ARHGAP24: variants seen among roughly 807,000 people sequenced by gnomAD.
The protein encoded by ARHGAP24 is Rho GTPase activating protein 24.
ARHGAP24 carries 50 observed loss-of-function variants against 76.4 expected under a neutral mutation model. The observed-to-expected ratio is 0.65, with a 90% CI of 0.52 to 0.83. The LOEUF is 0.83. Ranked by LOEUF, ARHGAP24 falls within the 40% of genes least tolerant of loss-of-function variation. The pLI, the probability that ARHGAP24 is intolerant of heterozygous loss-of-function variation, is 0.00. For synonymous variants in ARHGAP24, 345 were observed against 323.3 expected (o/e 1.07, Z -0.72); for missense variants, 930 against 914.2 (o/e 1.02, Z -0.22).
intron 1 of ARHGAP24, among the ~76,000 whole-genome samples, chr4:85,511,294 G>A (rs1414615306): frequency 6.6e-6 from 1 of 152,026 alleles, no homozygotes; most frequent in Non-Finnish European, 1.5e-5. Flanking sequence ...GTAATTAAAT[G>A]TTTCTTTAAC....
At chr4:85,710,017 T>C (rs1043070453) in intron 2 of ARHGAP24, among the ~76,000 whole-genome samples, 7 of 152,078 alleles carry the variant, frequency 4.6e-5, no homozygotes, top group African/African-American at 1.4e-4. Context: ...AAAAAACTAT[T>C]TAAAAATTTA....
chr4:85,889,381 A>G (rs893509213), intron 3 of ARHGAP24, among the ~76,000 whole-genome samples: 4 of 152,222 alleles, frequency 2.6e-5, no homozygotes, highest in African/African-American at 9.6e-5. Context: ...AACTATCCTA[A>G]TAAGTGAAAT....
chr4:85,786,499 A>G (rs1727851677), intron 3 of ARHGAP24, among the ~76,000 whole-genome samples: 3 of 152,208 alleles, frequency 2.0e-5, no homozygotes, highest in Non-Finnish European at 4.4e-5. Flanking sequence ...AAATAATAAA[A>G]TATTTATGAA....
rs79959741 is a variant in ARHGAP24, at chr4:85,857,041, G to A, written c.269-66607G>A. ...TACATAGATTGTTTCCATTTTTGTT[G>A]TTGCTGCCATCATAAGCAATTACTC... On this transcript the variant is annotated intron_variant, in intron 3 of 9. Coordinates refer to ENST00000395184, the MANE Select transcript of ARHGAP24 (RefSeq NM_001025616.3). Among the ~76,000 whole-genome samples, 679 of 151,906 alleles carry A rather than the reference G, an allele frequency of 4.5e-3. 3 individuals carry two copies. The highest frequency in any genetic ancestry group is 8.1e-3 in the Non-Finnish European group (550 of 67,948).
intron 3 of ARHGAP24, among the ~76,000 whole-genome samples, chr4:85,853,965 A>G (rs1178914106): frequency 7.9e-6 from 1 of 127,224 alleles, no homozygotes; most frequent in Admixed American, 7.5e-5. Context: ...CAAAAAACAA[A>G]AAGACAAAAA....
At chr4:85,802,728 T>C (rs192323356) in intron 3 of ARHGAP24, among the ~76,000 whole-genome samples, 3 of 151,960 alleles carry the variant, frequency 2.0e-5, no homozygotes, top group South Asian at 2.1e-4. Flanking sequence ...GAGGCGGAGG[T>C]TGTGGTGAGC....
intron 2 of ARHGAP24, among the ~76,000 whole-genome samples, chr4:85,641,655 A>G (rs1218377791): frequency 6.6e-6 from 1 of 152,250 alleles, no homozygotes; most frequent in Non-Finnish European, 1.5e-5. Flanking sequence ...GGGTTCCCCC[A>G]AATCTCTCTT....
intron 2 of ARHGAP24, among the ~76,000 whole-genome samples, chr4:85,654,738 C>T (rs1272609175): frequency 6.6e-6 from 1 of 152,108 alleles, no homozygotes; most frequent in Non-Finnish European, 1.5e-5. Flanking sequence ...AAGCAATTGG[C>T]TACAGCTCCT....
chr4:85,724,491 GTATATATATA>G (rs60930279), intron 3 of ARHGAP24, among the ~76,000 whole-genome samples: 2 of 10,716 alleles, frequency 1.9e-4, no homozygotes, highest in African/African-American at 2.4e-4. Flanking sequence ...TTCCATGTGT[GTATATATATA>G]TATATATATA....
At chr4:85,782,048 A>T (rs140272514) in intron 3 of ARHGAP24, among the ~76,000 whole-genome samples, 80,724 of 135,134 alleles carry the variant, frequency 0.6, 23,792 homozygotes, top group East Asian at 0.83. Flanking sequence ...AAAAAAAAAA[A>T]AAAGAAAAAA....
In ARHGAP24 at chr4:85,624,971, T is replaced by G. The variant is rs181502683; in HGVS notation, c.180+54250T>G. 2.5e-3 allele frequency among the ~76,000 whole-genome samples: 374 copies of G among 152,300 alleles called. 5 individuals are homozygous for G. The highest frequency in any genetic ancestry group is 0.018 in the Admixed American group (280 of 15,292). ...ATTTGATTCTTCTCTCTTTTCTTCT[T>G]TATTAGTCTTGCTAGCAGTCTATCA... On this transcript the variant is annotated intron_variant, in intron 2 of 9. Coordinates refer to ENST00000395184, the MANE Select transcript of ARHGAP24 (RefSeq NM_001025616.3).
At chr4:85,686,982 C>G (rs1279933086) in intron 2 of ARHGAP24, among the ~76,000 whole-genome samples, 1 of 151,942 alleles carries the variant, frequency 6.6e-6, no homozygotes, top group Non-Finnish European at 1.5e-5. Flanking sequence ...GTATCCCTAC[C>G]AGGTGTCACC....
At position 85,487,843 on chromosome 4, in the gene ARHGAP24, A is replaced by T. The variant is rs1400780328; in HGVS notation, c.-21+12284A>T. Among the ~76,000 whole-genome samples the T allele has an allele frequency of 2.5e-5, 3 of 122,122 alleles. No homozygotes were observed. The South Asian group carries it at 6.6e-4, about 27-fold the overall frequency. 80.1% of individuals were successfully genotyped at this position (122,122 alleles called of 152,430 possible). A position where few individuals can be genotyped will look rare whatever the true frequency, so the allele number is the denominator to read the frequency against. Reference sequence around the variant, plus strand: ...AAACATATTTATTACATATTATATAAATATATATTTATTATATATATTATA... The same window carrying T: ...AAACATATTTATTACATATTATATATATATATATTTATTATATATATTATA... On this transcript the variant is annotated intron_variant, in intron 1 of 9. Coordinates refer to ENST00000395184, the MANE Select transcript of ARHGAP24 (RefSeq NM_001025616.3).
chr4:85,525,025 T>C (rs1724926041), intron 1 of ARHGAP24, among the ~76,000 whole-genome samples: 1 of 152,116 alleles, frequency 6.6e-6, no homozygotes, highest in South Asian at 2.1e-4. Flanking sequence ...CACTCTTATT[T>C]TGTGATGGAA....
intron 5 of ARHGAP24, among the ~76,000 whole-genome samples, chr4:85,949,642 C>A (rs2148830986): frequency 6.6e-6 from 1 of 152,254 alleles, no homozygotes; most frequent in Admixed American, 6.5e-5. Flanking sequence ...AGCTACAAGA[C>A]CTTTAAGGAG....
At chr4:85,514,817 TAA>T (rs773699457) in intron 1 of ARHGAP24, among the ~76,000 whole-genome samples, 892 of 82,464 alleles carry the variant, frequency 0.011, 14 homozygotes, top group African/African-American at 0.018. Flanking sequence ...CTCTAAATTG[TAA>T]AAAAAAAAAA....
intron 1 of ARHGAP24, among the ~76,000 whole-genome samples, chr4:85,534,071 T>C (rs6845803): frequency 0.09 from 13,639 of 152,088 alleles, 943 homozygotes; most frequent in African/African-American, 0.19. Flanking sequence ...CTGATGTACA[T>C]GGGCCCAGTC....
intron 3 of ARHGAP24, among the ~76,000 whole-genome samples, chr4:85,852,380 C>T (rs569471635): frequency 9.6e-4 from 146 of 152,240 alleles, no homozygotes; most frequent in Non-Finnish European, 1.8e-3. Context: ...AGCTTCCTTG[C>T]GGTGGGTTTG....
intron 3 of ARHGAP24, among the ~76,000 whole-genome samples, chr4:85,805,237 T>C (rs1469737560): frequency 1.3e-5 from 2 of 152,152 alleles, no homozygotes; most frequent in Non-Finnish European, 2.9e-5. Context: ...ACCAATAATC[T>C]CACTGTTTCC....
Sources: gnomAD v4.1 joint callset for allele counts (sites outside exome capture counted in the v4.1 genomes callset) on GRCh38, gnomAD v4.1.1 for gene constraint, MANE v1.5 for transcripts, NCBI Gene and HGNC (gene_info 2026-07-23, HGNC 2026-07-21) for gene names.